STIM2: variants seen among roughly 807,000 people sequenced by gnomAD.
STIM2 encodes the protein stromal interaction molecule 2.
Under a neutral mutation model 85.8 loss-of-function variants are expected in STIM2, and 31 were observed. The ratio of observed to expected loss-of-function variants is 0.36; its 90% confidence interval spans 0.27 to 0.49. STIM2 has a LOEUF of 0.49. Ranked by LOEUF, STIM2 falls within the 20% of genes least tolerant of loss-of-function variation. The pLI is 0.98. For missense variants in STIM2, 841 were observed against 927.6 expected (o/e 0.91, Z 1.21); for synonymous variants, 356 against 331.1 (o/e 1.08, Z -0.82).
At chr4:26,981,540 G>A (rs1727395035) in intron 3 of STIM2, among the ~76,000 whole-genome samples, 1 of 152,264 alleles carries the variant, frequency 6.6e-6, no homozygotes, top group South Asian at 2.1e-4. Flanking sequence ...CATATACACT[G>A]TGTCTAGATA....
chr4:27,008,343 C>G, intron 8 of STIM2, 85 bp from the exon 9 acceptor site: 1 of 768,328 alleles, frequency 1.3e-6, no homozygotes, highest in Non-Finnish European at 2.0e-6. Flanking sequence ...TATTCAAAAC[C>G]AAAACAAACT....
intron 1 of STIM2, among the ~76,000 whole-genome samples, chr4:26,913,037 C>T (rs1231480609): frequency 1.3e-5 from 2 of 152,136 alleles, no homozygotes; most frequent in Admixed American, 1.3e-4. Flanking sequence ...TTACCACTCT[C>T]AGTTGAGAAC....
intron 1 of STIM2, among the ~76,000 whole-genome samples, chr4:26,914,182 G>A (rs1724447526): frequency 1.3e-5 from 2 of 152,054 alleles, no homozygotes; most frequent in East Asian, 1.9e-4. Context: ...TCTGGCCTTC[G>A]CTTATACTTT....
intron 1 of STIM2, among the ~76,000 whole-genome samples, chr4:26,891,547 G>A (rs1411830722): frequency 1.5e-5 from 2 of 131,414 alleles, no homozygotes; most frequent in Non-Finnish European, 3.1e-5. Flanking sequence ...AAAGATATGT[G>A]TATACATACA....
chr4:27,010,035 G>T (rs986419230), intron 10 of STIM2, among the ~76,000 whole-genome samples: 1 of 152,136 alleles, frequency 6.6e-6, no homozygotes, highest in Non-Finnish European at 1.5e-5. Flanking sequence ...TCCGTTAAAA[G>T]GAAACAATTG....
At chr4:26,992,546 A>G (rs1222059205) in intron 3 of STIM2, among the ~76,000 whole-genome samples, 1 of 152,076 alleles carries the variant, frequency 6.6e-6, no homozygotes, top group Non-Finnish European at 1.5e-5. Flanking sequence ...AAGGAAAAAA[A>G]AGGTTATATA....
intron 1 of STIM2, among the ~76,000 whole-genome samples, chr4:26,865,970 A>G (rs1038091795): frequency 7.0e-5 from 10 of 142,140 alleles, no homozygotes; most frequent in Admixed American, 1.5e-4. Flanking sequence ...TCTGAGACTA[A>G]TCCTGTTAGA....
At chr4:27,007,180 T>C (rs1331876666) in intron 7 of STIM2, among the ~76,000 whole-genome samples, 1 of 152,210 alleles carries the variant, frequency 6.6e-6, no homozygotes, top group East Asian at 1.9e-4. Context: ...CCCTTGACTT[T>C]TTTTTCCCCC....
intron 1 of STIM2, among the ~76,000 whole-genome samples, chr4:26,895,862 T>A (rs1458648497): frequency 1.3e-5 from 2 of 152,224 alleles, no homozygotes; most frequent in Admixed American, 1.3e-4. Context: ...TCAAACTCAG[T>A]GTGTTAGTTT....
intron 2 of STIM2, among the ~76,000 whole-genome samples, chr4:26,939,326 C>T (rs1725512104): frequency 1.3e-5 from 2 of 152,078 alleles, no homozygotes. Flanking sequence ...CCCCTGCTTA[C>T]TAAATCTGTA....
intron 2 of STIM2, among the ~76,000 whole-genome samples, chr4:26,945,659 G>C (rs1322583625): frequency 1.3e-5 from 2 of 152,074 alleles, no homozygotes; most frequent in Admixed American, 6.6e-5. Context: ...GTGTGCAGTG[G>C]TATCTCATTG....
At chr4:26,863,768 G>C (rs1381271850) in intron 1 of STIM2, among the ~76,000 whole-genome samples, 1 of 152,084 alleles carries the variant, frequency 6.6e-6, no homozygotes, top group Admixed American at 6.5e-5. Flanking sequence ...GAAAATTTTT[G>C]AAAGCATTCT....
chr4:26,987,568 C>T (rs762956311), intron 3 of STIM2, among the ~76,000 whole-genome samples: 16 of 152,170 alleles, frequency 1.1e-4, no homozygotes, highest in Non-Finnish European at 2.2e-4. Context: ...CCACCATCTC[C>T]TTTGTTCCAG....
chr4:26,942,240 G>T (rs2109082507), intron 2 of STIM2, among the ~76,000 whole-genome samples: 1 of 152,190 alleles, frequency 6.6e-6, no homozygotes. Flanking sequence ...CTTGCAAAGT[G>T]AATTTCTTTA....
chr4:26,861,614 C>G (rs1341687070), intron 1 of STIM2: 2 of 414,894 alleles, frequency 4.8e-6, no homozygotes, highest in South Asian at 1.2e-4. Context: ...GTCGGGCTCT[C>G]CGATCTTCCA....
At chr4:26,911,921 G>A (rs1396988144) in intron 1 of STIM2, among the ~76,000 whole-genome samples, 2 of 152,122 alleles carry the variant, frequency 1.3e-5, no homozygotes, top group East Asian at 1.9e-4. Context: ...GGAAATATAA[G>A]GGAATACTAG....
At chr4:26,993,947 G>T (rs1360075238) in intron 3 of STIM2, among the ~76,000 whole-genome samples, 1 of 151,806 alleles carries the variant, frequency 6.6e-6, no homozygotes, top group African/African-American at 2.4e-5. Context: ...AACCTCGTAA[G>T]TTTTTTTTAA....
chr4:26,937,354 T>G (rs1725431607), intron 2 of STIM2, among the ~76,000 whole-genome samples: 1 of 152,232 alleles, frequency 6.6e-6, no homozygotes, highest in East Asian at 1.9e-4. Flanking sequence ...TGCACTTCCC[T>G]TTTTCAGTTC....
chr4:27,017,771 G>A lies in STIM2; in HGVS notation c.1550G>A (p.Arg517His), dbSNP rs73251774. 212 of 1,614,024 alleles carry A rather than the reference G, an allele frequency of 1.3e-4. No individual in the cohort carries two copies. Among genetic ancestry groups the A allele is most frequent in the Non-Finnish European group, 1.7e-4 (200 of 1,179,994 alleles). Reference sequence around the variant, plus strand: ...AGCAGCAGCCTGTGCCGTTCACGCCGCAGCATTGTGCCGTCCTCGCCTCAG... The same window carrying A: ...AGCAGCAGCCTGTGCCGTTCACGCCACAGCATTGTGCCGTCCTCGCCTCAG... Residue 517 changes from arginine to histidine, a missense_variant, in exon 11 of 12, where the codon CGC (arginine) becomes CAC (histidine). Transcript: ENST00000467087.
Sources: allele counts gnomAD v4.1 joint callset (sites outside exome capture counted in the v4.1 genomes callset), GRCh38; gene constraint gnomAD v4.1.1; transcripts MANE v1.5; gene names NCBI Gene and HGNC (gene_info 2026-07-23, HGNC 2026-07-21).